Variants in KAZN observed in about 807,000 individuals in gnomAD.
The protein encoded by KAZN is kazrin.
A neutral mutation model predicts 87.4 loss-of-function variants in KAZN; 40 were observed. The observed-to-expected ratio is 0.46, with a 90% confidence interval of 0.36 to 0.60. The LOEUF (loss-of-function observed/expected upper bound fraction) is 0.60, where lower values mean the gene tolerates loss of function less well. Ranked by LOEUF, KAZN falls within the 20% of genes least tolerant of loss-of-function variation. The pLI is 0.00. For missense variants in KAZN, 898 were observed against 1,073.9 expected (o/e 0.84, Z 2.29); for synonymous variants, 466 against 458.3 (o/e 1.02, Z -0.22).
chr1:14,172,485 A>T (rs774489472), intron 1 of KAZN, among the ~76,000 whole-genome samples: 1 of 152,264 alleles, frequency 6.6e-6, no homozygotes, highest in African/African-American at 2.4e-5. Context: ...GATTAACCAA[A>T]AAAATATACT....
chr1:14,771,336 T>C (rs1310509120), intron 1 of KAZN, among the ~76,000 whole-genome samples: 1 of 152,108 alleles, frequency 6.6e-6, no homozygotes, highest in African/African-American at 2.4e-5. Context: ...TGCAGGATAC[T>C]CAAGGAGGTA....
chr1:14,999,716 T>G (rs1473082837), intron 2 of KAZN, among the ~76,000 whole-genome samples: 1 of 152,258 alleles, frequency 6.6e-6, no homozygotes, highest in Non-Finnish European at 1.5e-5. Context: ...AACTTAAAAG[T>G]AATTCTGCTC....
At chr1:14,913,779 C>T (rs566720583) in intron 1 of KAZN, among the ~76,000 whole-genome samples, 5 of 152,214 alleles carry the variant, frequency 3.3e-5, no homozygotes, top group Admixed American at 6.5e-5. Flanking sequence ...CTCGGGCTGA[C>T]GTGCCTGAGT....
At chr1:14,728,550 T>C (rs1015165490) in intron 1 of KAZN, among the ~76,000 whole-genome samples, 8 of 152,130 alleles carry the variant, frequency 5.3e-5, no homozygotes, top group Non-Finnish European at 1.2e-4. Flanking sequence ...TCACCTAGGA[T>C]GGGGCCCAGG....
intron 2 of KAZN, among the ~76,000 whole-genome samples, chr1:14,586,895 T>C (rs891337764): frequency 6.6e-5 from 10 of 152,160 alleles, no homozygotes; most frequent in Non-Finnish European, 1.0e-4. Flanking sequence ...TCCTTCCAGA[T>C]ATAGAATTCT....
At chr1:14,814,510 G>A (rs1336394661) in intron 1 of KAZN, among the ~76,000 whole-genome samples, 2 of 152,226 alleles carry the variant, frequency 1.3e-5, no homozygotes, top group African/African-American at 4.8e-5. Flanking sequence ...CACTGCGCCT[G>A]GCCAAAGGCT....
chr1:14,563,859 G>A (rs1413015305), intron 2 of KAZN, among the ~76,000 whole-genome samples: 2 of 92,036 alleles, frequency 2.2e-5, no homozygotes, highest in African/African-American at 6.1e-5. Flanking sequence ...TGCACTCAGA[G>A]TATGGTTCAA....
chr1:14,666,751 G>GT (rs899752742), intron 1 of KAZN, among the ~76,000 whole-genome samples: 34 of 151,894 alleles, frequency 2.2e-4, no homozygotes, highest in Non-Finnish European at 4.6e-4. Flanking sequence ...TCTTTTTTTA[G>GT]TTTTTGAGAC....
intron 1 of KAZN, among the ~76,000 whole-genome samples, chr1:13,906,618 C>T (rs1211177538): frequency 6.6e-6 from 1 of 152,190 alleles, no homozygotes; most frequent in Non-Finnish European, 1.5e-5. Flanking sequence ...TTACTGCTCT[C>T]CTTTGACCTT....
intron 1 of KAZN, among the ~76,000 whole-genome samples, chr1:14,123,069 G>C (rs961434267): frequency 6.6e-6 from 1 of 152,174 alleles, no homozygotes; most frequent in Non-Finnish European, 1.5e-5. Flanking sequence ...GTAAATAATA[G>C]ATCAAACCAG....
rs57752492 is a variant in KAZN at position 14,473,637 on chromosome 1, CA to C, written c.250-125330del. On this transcript the variant is annotated intron_variant, in intron 2 of 16. Coordinates refer to the KAZN transcript ENST00000636203. Reference sequence around the variant, plus strand: ...CTTGGGACAGAGAGAGACTCTGTCTCAAAAAAAAAAAAAAAACACAAAAACA... The same window carrying C: ...CTTGGGACAGAGAGAGACTCTGTCTCAAAAAAAAAAAAAAACACAAAAACA... Among the ~76,000 whole-genome samples the C allele has an allele frequency of 2.2e-3, 178 of 81,156 alleles. 1 individual carries two copies. Among genetic ancestry groups the C allele is most frequent in the Admixed American group, 2.7e-3 (20 of 7,318 alleles). The allele number at this position is 81,156 out of a possible 152,430, so 53.2% of individuals were successfully genotyped here.
intron 1 of KAZN, among the ~76,000 whole-genome samples, chr1:14,898,288 G>A (rs1458020204): frequency 6.6e-6 from 1 of 152,156 alleles, no homozygotes. Flanking sequence ...AGGAGAGCAG[G>A]GGCAGTGTTC....
At chr1:14,741,876 G>A (rs1438060064) in intron 1 of KAZN, among the ~76,000 whole-genome samples, 1 of 152,166 alleles carries the variant, frequency 6.6e-6, no homozygotes, top group African/African-American at 2.4e-5. Context: ...CAACCTTGAT[G>A]TTTGAGCCAG....
intron 1 of KAZN, among the ~76,000 whole-genome samples, chr1:14,097,760 GCTTAA>G (rs1462468597): frequency 6.6e-6 from 1 of 152,156 alleles, no homozygotes; most frequent in African/African-American, 2.4e-5. Context: ...TCTCAGATAT[GCTTAA>G]CTTGACTAGC....
At chr1:13,896,756 T>C (rs527891993) in intron 1 of KAZN, among the ~76,000 whole-genome samples, 1 of 152,218 alleles carries the variant, frequency 6.6e-6, no homozygotes, top group Admixed American at 6.5e-5. Flanking sequence ...CAACTGGGGC[T>C]AATCTTTTAT....
At position 14,321,236 on chromosome 1, in the gene KAZN, T is replaced by C. The variant is rs545181803; in HGVS notation, c.249+140644T>C. 7.9e-5 allele frequency among the ~76,000 whole-genome samples: 12 copies of C among 152,236 alleles called. No homozygotes were observed. In the South Asian group the frequency reaches 1.7e-3, roughly 21 times the overall value. On this transcript the variant is annotated intron_variant, in intron 2 of 16. Transcript: ENST00000636203. ...TATTGATCGAGATGTGGGCAAACAG[T>C]CAAAGGAAATGCTGAGCATTTGTCT... is the stretch of plus-strand genomic sequence containing the variant.
At chr1:14,109,584 A>G (rs949644105) in intron 1 of KAZN, among the ~76,000 whole-genome samples, 1 of 152,156 alleles carries the variant, frequency 6.6e-6, no homozygotes, top group East Asian at 1.9e-4. Context: ...CTGCTATGTC[A>G]AGAGTGATTT....
intron 2 of KAZN, among the ~76,000 whole-genome samples, chr1:14,363,120 AT>A (rs565062485): frequency 1.0e-3 from 155 of 152,244 alleles, no homozygotes; most frequent in African/African-American, 3.5e-3. Flanking sequence ...CCATGGTTGC[AT>A]TTTTTAAACG....
intron 2 of KAZN, among the ~76,000 whole-genome samples, chr1:14,477,358 C>A (rs1668797141): frequency 6.6e-6 from 1 of 151,948 alleles, no homozygotes; most frequent in African/African-American, 2.4e-5. Flanking sequence ...TTTTTCTTCC[C>A]AGCTTCGGGT....
Sources: allele counts gnomAD v4.1 joint callset (sites outside exome capture counted in the v4.1 genomes callset), GRCh38; gene constraint gnomAD v4.1.1; transcripts MANE v1.5; gene names NCBI Gene and HGNC (gene_info 2026-07-23, HGNC 2026-07-21).